OPCML: variants seen among roughly 807,000 people sequenced by gnomAD.
OPCML encodes opioid binding protein/cell adhesion molecule like.
Under a neutral mutation model 37.8 loss-of-function variants are expected in OPCML, and 13 were observed. That is an observed-to-expected ratio of 0.34 (90% CI 0.22 to 0.55). OPCML has a LOEUF of 0.55. OPCML is among the 20% of genes least tolerant of loss of function. OPCML has a pLI of 0.91. For missense variants in OPCML, 341 were observed against 435.6 expected (o/e 0.78, Z 1.93); for synonymous variants, 176 against 168.8 (o/e 1.04, Z -0.33).
intron 3 of OPCML, among the ~76,000 whole-genome samples, chr11:132,603,258 A>C (rs938454189): frequency 6.6e-6 from 1 of 152,126 alleles, no homozygotes; most frequent in Non-Finnish European, 1.5e-5. Context: ...TCTCAAATTC[A>C]ACACACCCAA....
chr11:133,191,816 C>A (rs1938333775), intron 1 of OPCML, among the ~76,000 whole-genome samples: 1 of 152,172 alleles, frequency 6.6e-6, no homozygotes, highest in Non-Finnish European at 1.5e-5. Context: ...TTATCTCCAG[C>A]AATCTCACAG....
chr11:132,777,315 C>T lies in OPCML; in HGVS notation c.147-119996G>A, dbSNP rs545367939. Among the ~76,000 whole-genome samples, 5 of 152,262 alleles carry T rather than the reference C, an allele frequency of 3.3e-5. No homozygotes were observed. In the South Asian group the frequency reaches 1.0e-3, roughly 32 times the overall value. ...GGTCTGTGTCAGGGTGTTAGGACAC[C>T]TAGTTAGAACTAGTTAGAGCACGCA... On this transcript the variant is annotated intron_variant, in intron 2 of 7. Coordinates refer to ENST00000524381, the MANE Select transcript of OPCML (RefSeq NM_001012393.5).
chr11:133,436,172 A>C (rs192531641), intron 1 of OPCML, among the ~76,000 whole-genome samples: 1 of 152,362 alleles, frequency 6.6e-6, no homozygotes, highest in East Asian at 1.9e-4. Flanking sequence ...TACTGCAATG[A>C]GAACAACAAC....
chr11:132,784,237 C>T (rs1175232618), intron 2 of OPCML, among the ~76,000 whole-genome samples: 1 of 152,100 alleles, frequency 6.6e-6, no homozygotes, highest in Admixed American at 6.5e-5. Context: ...TAACAATTTG[C>T]CTTAACTAAC....
intron 1 of OPCML, among the ~76,000 whole-genome samples, chr11:133,060,492 C>A (rs1325287290): frequency 2.0e-5 from 3 of 152,208 alleles, no homozygotes; most frequent in Non-Finnish European, 2.9e-5. Flanking sequence ...TAGGCTCAGA[C>A]CTGTCTGTCC....
In OPCML at chr11:132,509,338, C is replaced by T. The variant is rs181156370; in HGVS notation, c.505+19723G>A. ...GTTCAGAAAATTTGCAGCCTGACTA[C>T]GTGATAGAAAAAAAAAAATTTCTAG... On this transcript the variant is annotated intron_variant, in intron 4 of 7. Coordinates refer to ENST00000524381, the MANE Select transcript of OPCML (RefSeq NM_001012393.5). Among the ~76,000 whole-genome samples, 21 of 146,270 alleles carry T rather than the reference C, an allele frequency of 1.4e-4. No homozygotes were observed. In the East Asian group the frequency reaches 3.6e-3, roughly 25 times the overall value.
intron 1 of OPCML, among the ~76,000 whole-genome samples, chr11:133,070,322 G>A (rs1288274136): frequency 6.6e-6 from 1 of 152,166 alleles, no homozygotes; most frequent in Non-Finnish European, 1.5e-5. Context: ...TCAATTTTCT[G>A]TGCTTCACTG....
chr11:133,323,123 G>A (rs925362875), intron 1 of OPCML, among the ~76,000 whole-genome samples: 12 of 152,166 alleles, frequency 7.9e-5, no homozygotes, highest in African/African-American at 2.7e-4. Context: ...GATACCTGTG[G>A]TCCAAGCTCA....
intron 2 of OPCML, among the ~76,000 whole-genome samples, chr11:132,902,063 A>T (rs1284879968): frequency 2.6e-5 from 4 of 152,338 alleles, no homozygotes; most frequent in Non-Finnish European, 4.4e-5. Context: ...GTAAATGAAG[A>T]TACTTCTAAT....
intron 1 of OPCML, among the ~76,000 whole-genome samples, chr11:133,176,119 G>T (rs1950368811): frequency 6.6e-6 from 1 of 152,108 alleles, no homozygotes; most frequent in Admixed American, 6.6e-5. Flanking sequence ...GTACACCCAG[G>T]CTGGGTAAAC....
intron 1 of OPCML, among the ~76,000 whole-genome samples, chr11:133,082,908 C>T (rs1948757028): frequency 6.7e-6 from 1 of 150,328 alleles, no homozygotes. Flanking sequence ...CGGAGACCGC[C>T]GCAAGGGGGC....
intron 2 of OPCML, among the ~76,000 whole-genome samples, chr11:132,704,398 A>C (rs966924903): frequency 1.3e-5 from 2 of 152,198 alleles, no homozygotes; most frequent in Non-Finnish European, 2.9e-5. Flanking sequence ...TATGGGATGA[A>C]ACCAGTTTGT....
intron 3 of OPCML, among the ~76,000 whole-genome samples, chr11:132,536,630 T>C (rs1349043795): frequency 1.3e-5 from 2 of 152,174 alleles, no homozygotes; most frequent in African/African-American, 4.8e-5. Flanking sequence ...CTCAAGGCTA[T>C]TTTACAAAAA....
Position 133,422,030 on chromosome 11 carries a change from C to T in OPCML, c.61+110234G>A, listed in dbSNP as rs1323878699. 4 of 517,626 alleles carry T rather than the reference C, an allele frequency of 7.7e-6. No homozygotes were observed. In the African/African-American group the frequency reaches 8.4e-5, roughly 11 times the overall value. 32.1% of individuals were successfully genotyped at this position (517,626 alleles called of 1,614,324 possible). On this transcript the variant is annotated intron_variant, in intron 1 of 7. Coordinates refer to ENST00000524381, the MANE Select transcript of OPCML (RefSeq NM_001012393.5). ...ATGTGCAGAATGTGCATTTTTGTTA[C>T]ATAGGTGTATACGTGCCATGGTGGT...
intron 3 of OPCML, among the ~76,000 whole-genome samples, chr11:132,570,530 G>A (rs2096434704): frequency 6.6e-6 from 1 of 151,574 alleles, no homozygotes. Context: ...ATACTTAAAG[G>A]TAGCCCTTAA....
Position 132,788,549 on chromosome 11 carries a change from G to C in OPCML, c.147-131230C>G, listed in dbSNP as rs115782668. ...CTTACAATTTCACCTCCAGACGGCA[G>C]GTATTGGGATCTCTTTGAAATGCCA... is the stretch of plus-strand genomic sequence containing the variant. On this transcript the variant is annotated intron_variant, in intron 2 of 7. Coordinates refer to ENST00000524381, the MANE Select transcript of OPCML (RefSeq NM_001012393.5). 4.4e-3 allele frequency among the ~76,000 whole-genome samples: 669 copies of C among 152,232 alleles called. 3 individuals carry two copies. The highest frequency in any genetic ancestry group is 0.016 in the African/African-American group (646 of 41,532).
chr11:132,562,669 G>A (rs574444728), intron 3 of OPCML, among the ~76,000 whole-genome samples: 1 of 152,128 alleles, frequency 6.6e-6, no homozygotes, highest in South Asian at 2.1e-4. Context: ...GGACTGAGAG[G>A]AAGGAAACCA....
intron 1 of OPCML, among the ~76,000 whole-genome samples, chr11:132,975,234 G>A (rs1020487135): frequency 6.6e-6 from 1 of 151,592 alleles, no homozygotes; most frequent in African/African-American, 2.4e-5. Context: ...GATAGGAAGT[G>A]GTAAGTATCC....
intron 1 of OPCML, among the ~76,000 whole-genome samples, chr11:133,132,209 C>T (rs761415337): frequency 1.3e-5 from 2 of 152,148 alleles, no homozygotes; most frequent in Non-Finnish European, 2.9e-5. Context: ...CCAATTAAAA[C>T]ATTGGCAGAT....
Sources: gnomAD v4.1 joint callset for allele counts (sites outside exome capture counted in the v4.1 genomes callset) on GRCh38, gnomAD v4.1.1 for gene constraint, MANE v1.5 for transcripts, NCBI Gene and HGNC (gene_info 2026-07-23, HGNC 2026-07-21) for gene names.